Variants in TASP1 observed in about 807,000 individuals in gnomAD.
TASP1 encodes the protein taspase 1.
TASP1 carries 16 observed loss-of-function variants against 56.6 expected under a neutral mutation model. That is an observed-to-expected ratio of 0.28 (90% CI 0.19 to 0.43). The LOEUF is 0.43. Among genes scored for constraint, TASP1 ranks in the 20% least tolerant of loss-of-function variants. The pLI is 1.00. For synonymous variants in TASP1, 179 were observed against 184.2 expected, an observed-to-expected ratio of 0.97 and a Z score of 0.23; for missense variants, 393 against 511.6, an observed-to-expected ratio of 0.77 and a Z score of 2.24.
the TASP1 span, among the ~76,000 whole-genome samples, chr20:13,294,136 T>C: frequency 6.6e-6 from 1 of 152,172 alleles, no homozygotes; most frequent in Non-Finnish European, 1.5e-5. Flanking sequence ...TGCCAGATGT[T>C]CTGGGTTTCT....
chr20:13,475,501 G>C (rs2146458770), intron 11 of TASP1, among the ~76,000 whole-genome samples: 1 of 152,248 alleles, frequency 6.6e-6, no homozygotes, highest in South Asian at 2.1e-4. Flanking sequence ...CATGAAAATT[G>C]AAATGAATGA....
At chr20:13,221,859 G>A in the TASP1 span, 1 of 1,433,102 alleles carries the variant, frequency 7.0e-7, no homozygotes, top group Non-Finnish European at 9.1e-7. Context: ...CGCGGCTCGG[G>A]AGCCGCCGAC....
the TASP1 span, among the ~76,000 whole-genome samples, chr20:13,210,254 T>C: frequency 1.3e-5 from 2 of 152,144 alleles, no homozygotes; most frequent in East Asian, 3.8e-4. Context: ...CATTCTAAAA[T>C]TGATACATGT....
At chr20:13,420,362 T>G (rs1434352122) in intron 12 of TASP1, among the ~76,000 whole-genome samples, 1 of 152,228 alleles carries the variant, frequency 6.6e-6, no homozygotes, top group Non-Finnish European at 1.5e-5. Context: ...CAATAAAATT[T>G]CTAGATCTAG....
chr20:13,219,878 C>G, the TASP1 span, among the ~76,000 whole-genome samples: 1 of 152,110 alleles, frequency 6.6e-6, no homozygotes, highest in Non-Finnish European at 1.5e-5. Context: ...AGATGCCTTG[C>G]GAGAACTCGA....
chr20:13,174,699 G>GA, the TASP1 span, among the ~76,000 whole-genome samples: 126 of 129,108 alleles, frequency 9.8e-4, no homozygotes, highest in Middle Eastern at 0.012. Flanking sequence ...ACCTTGTCAC[G>GA]AAAAAAAAAA....
intron 11 of TASP1, among the ~76,000 whole-genome samples, chr20:13,472,148 GGAACA>G (rs2044528319): frequency 6.6e-6 from 1 of 150,656 alleles, no homozygotes; most frequent in Non-Finnish European, 1.5e-5. Flanking sequence ...ACCGACCAAC[GGAACA>G]GAACAGGGGA....
the TASP1 span, among the ~76,000 whole-genome samples, chr20:13,378,459 T>G: frequency 1.3e-5 from 2 of 152,204 alleles, no homozygotes; most frequent in Admixed American, 1.3e-4. Flanking sequence ...TGATTTCCAT[T>G]GTTTTGCATT....
At chr20:13,553,307 T>C (rs1044498443) in intron 8 of TASP1, among the ~76,000 whole-genome samples, 1 of 152,116 alleles carries the variant, frequency 6.6e-6, no homozygotes, top group Non-Finnish European at 1.5e-5. Flanking sequence ...ATTTACACCA[T>C]TAAGCCCACT....
chr20:13,113,626 G>T, the TASP1 span, among the ~76,000 whole-genome samples: 6 of 152,266 alleles, frequency 3.9e-5, no homozygotes, highest in African/African-American at 9.6e-5. Flanking sequence ...TGGGACCTAG[G>T]TTCAAATCCT....
chr20:13,121,630 C>T, the TASP1 span, among the ~76,000 whole-genome samples: 1 of 152,122 alleles, frequency 6.6e-6, no homozygotes, highest in South Asian at 2.1e-4. Context: ...TGCAAAAGAC[C>T]AAAGCCACCT....
chr20:13,125,400 G>C, the TASP1 span, among the ~76,000 whole-genome samples: 2 of 152,148 alleles, frequency 1.3e-5, no homozygotes, highest in Non-Finnish European at 2.9e-5. Flanking sequence ...TAATATTCTG[G>C]TTTAATTTCC....
chr20:13,131,462 G>C, the TASP1 span, among the ~76,000 whole-genome samples: 4 of 152,186 alleles, frequency 2.6e-5, no homozygotes, highest in Non-Finnish European at 5.9e-5. Context: ...AACTTAGCAT[G>C]ATGCTTGATA....
intron 11 of TASP1, among the ~76,000 whole-genome samples, chr20:13,470,918 T>C (rs552690446): frequency 1.4e-4 from 21 of 152,308 alleles, no homozygotes; most frequent in African/African-American, 4.8e-4. Flanking sequence ...CTTTCAGTTA[T>C]GAAACAAGAT....
At chr20:13,301,651 C>T in the TASP1 span, among the ~76,000 whole-genome samples, 6 of 152,078 alleles carry the variant, frequency 3.9e-5, no homozygotes, top group Non-Finnish European at 5.9e-5. Context: ...AGAATCAATG[C>T]GTCCGTGTAT....
chr20:13,222,502 C>T, the TASP1 span, among the ~76,000 whole-genome samples: 1 of 152,058 alleles, frequency 6.6e-6, no homozygotes, highest in African/African-American at 2.4e-5. Flanking sequence ...GTTCCCCCCT[C>T]CCCCCTTGTG....
chr20:13,278,446 G>GC, the TASP1 span, among the ~76,000 whole-genome samples: 4 of 152,140 alleles, frequency 2.6e-5, no homozygotes, highest in African/African-American at 9.7e-5. Context: ...GAAGCAACCA[G>GC]CCCCCACCTG....
chr20:13,170,050 TA>T, the TASP1 span, among the ~76,000 whole-genome samples: 2 of 152,178 alleles, frequency 1.3e-5, no homozygotes, highest in Non-Finnish European at 2.9e-5. Context: ...AACTAGAAAT[TA>T]TTTCTAAAGT....
chr20:13,628,944 A>C (rs1159741387), intron 2 of TASP1, among the ~76,000 whole-genome samples: 1 of 152,192 alleles, frequency 6.6e-6, no homozygotes, highest in African/African-American at 2.4e-5. Context: ...ACACAGCATC[A>C]AAAGCACTAG....
Sources: allele counts gnomAD v4.1 joint callset (sites outside exome capture counted in the v4.1 genomes callset), GRCh38; gene constraint gnomAD v4.1.1; transcripts MANE v1.5; gene names NCBI Gene and HGNC (gene_info 2026-07-23, HGNC 2026-07-21).